MARCHF1: variants seen among roughly 807,000 people sequenced by gnomAD.
MARCHF1 encodes membrane associated ring-CH-type finger 1.
MARCHF1 carries 40 observed loss-of-function variants against 54.2 expected under a neutral mutation model. The observed-to-expected ratio is 0.74, with a 90% CI of 0.57 to 0.96. MARCHF1 has a LOEUF of 0.96. Among genes scored for constraint, MARCHF1 ranks in the 40% least tolerant of loss-of-function variants. The pLI is 0.00. For missense variants in MARCHF1, 586 were observed against 656.5 expected (o/e 0.89, Z 1.17); for synonymous variants, 236 against 236.3 (o/e 1.00, Z 0.01).
At chr4:163,872,344 A>G (rs1750187049) in intron 3 of MARCHF1, among the ~76,000 whole-genome samples, 1 of 152,248 alleles carries the variant, frequency 6.6e-6, no homozygotes, top group Non-Finnish European at 1.5e-5. Flanking sequence ...TTAAATCTAC[A>G]CAGTGAACCT....
At chr4:164,211,357 C>T (rs777368778) in intron 1 of MARCHF1, among the ~76,000 whole-genome samples, 13,529 of 100,060 alleles carry the variant, frequency 0.14, 748 homozygotes, top group Middle Eastern at 0.21. Flanking sequence ...ATATATATAC[C>T]ACATTGCAAC....
chr4:164,348,916 T>C (rs1307517423), intron 1 of MARCHF1, among the ~76,000 whole-genome samples: 1 of 152,170 alleles, frequency 6.6e-6, no homozygotes, highest in East Asian at 1.9e-4. Flanking sequence ...TTAGAGTGTC[T>C]CATACTCTAG....
chr4:164,271,166 A>C (rs970890027), intron 1 of MARCHF1, among the ~76,000 whole-genome samples: 1 of 152,172 alleles, frequency 6.6e-6, no homozygotes, highest in East Asian at 1.9e-4. Flanking sequence ...ATGGCCCTCA[A>C]AGATGCCCAT....
At chr4:163,968,605 G>A (rs1212532246) in intron 3 of MARCHF1, among the ~76,000 whole-genome samples, 1 of 152,066 alleles carries the variant, frequency 6.6e-6, no homozygotes, top group East Asian at 1.9e-4. Flanking sequence ...CCTACTCTAT[G>A]CTGAGCACTT....
rs114973186 is a variant in MARCHF1, at chr4:163,728,334, C to T, written c.112-27471G>A. Among the ~76,000 whole-genome samples, 1,148 of 152,128 alleles carry T rather than the reference C, an allele frequency of 7.5e-3. 8 individuals are homozygous for T. Among genetic ancestry groups the T allele is most frequent in the South Asian group, 0.021 (102 of 4,814 alleles). On this transcript the variant is annotated intron_variant, in intron 4 of 9. Transcript: ENST00000514618. ...TTCTGAGAATCAGTTTGTTGATATC[C>T]AAAAAATAACTTTCTGGGATGGCAA...
intron 4 of MARCHF1, among the ~76,000 whole-genome samples, chr4:163,800,758 CAGAACATCA>C (rs1321237400): frequency 1.3e-5 from 2 of 152,058 alleles, no homozygotes; most frequent in Non-Finnish European, 2.9e-5. Context: ...TCAGACTGTA[CAGAACATCA>C]AGAATCATTA....
In MARCHF1 at chr4:163,802,182, T is replaced by C. The variant is rs147775784; in HGVS notation, c.111+51839A>G. 1.7e-3 allele frequency among the ~76,000 whole-genome samples: 254 copies of C among 152,260 alleles called. 1 individual carries two copies. The highest frequency in any genetic ancestry group is 5.8e-3 in the African/African-American group (243 of 41,564). The stretch of plus-strand genomic sequence containing the variant: ...AAGTTAAGAATGTCACCATTCTTAG[T>C]GGTGACATTCTTAGTAGTAGAAACG... On this transcript the variant is annotated intron_variant, in intron 4 of 9. Transcript: ENST00000514618.
At chr4:164,096,669 A>G (rs1162032584) in intron 2 of MARCHF1, among the ~76,000 whole-genome samples, 1 of 152,148 alleles carries the variant, frequency 6.6e-6, no homozygotes, top group African/African-American at 2.4e-5. Context: ...AATCAAAGTT[A>G]GAGAAAACAC....
intron 4 of MARCHF1, among the ~76,000 whole-genome samples, chr4:163,819,303 T>C (rs1403835126): frequency 6.6e-6 from 1 of 152,106 alleles, no homozygotes; most frequent in Non-Finnish European, 1.5e-5. Flanking sequence ...GCTTTAACTT[T>C]AATAACATAC....
intron 4 of MARCHF1, among the ~76,000 whole-genome samples, chr4:163,728,865 G>T (rs1579234756): frequency 1.3e-5 from 2 of 152,262 alleles, no homozygotes; most frequent in Admixed American, 1.3e-4. Context: ...TGACATCCTT[G>T]CCTTGTTCCT....
intron 8 of MARCHF1, among the ~76,000 whole-genome samples, chr4:163,553,047 A>AAAG (rs1553991322): frequency 0.063 from 2,379 of 37,760 alleles, 78 homozygotes; most frequent in African/African-American, 0.12. Flanking sequence ...AAAAAAAAAA[A>AAAG]AAAAGAAGAA....
chr4:164,341,830 T>C (rs1157619755), intron 1 of MARCHF1, among the ~76,000 whole-genome samples: 2 of 152,204 alleles, frequency 1.3e-5, no homozygotes, highest in Non-Finnish European at 2.9e-5. Flanking sequence ...ATAGCACCTG[T>C]TTGCAAATGA....
At chr4:164,380,353 G>A (rs1161081361) in intron 1 of MARCHF1, among the ~76,000 whole-genome samples, 1 of 152,052 alleles carries the variant, frequency 6.6e-6, no homozygotes, top group Admixed American at 6.6e-5. Flanking sequence ...AATCATTTTT[G>A]TACACTAGTT....
At chr4:164,090,655 T>A (rs1755278947) in intron 2 of MARCHF1, among the ~76,000 whole-genome samples, 1 of 151,854 alleles carries the variant, frequency 6.6e-6, no homozygotes, top group Non-Finnish European at 1.5e-5. Flanking sequence ...AAAATCTGGG[T>A]AAAATTTAAG....
intron 1 of MARCHF1, among the ~76,000 whole-genome samples, chr4:164,198,620 G>A (rs956428873): frequency 3.9e-5 from 6 of 152,178 alleles, no homozygotes; most frequent in African/African-American, 1.4e-4. Context: ...TCAGGAAGAA[G>A]ATAAATTAAT....
At chr4:164,277,861 C>T (rs148427514) in intron 1 of MARCHF1, among the ~76,000 whole-genome samples, 1,584 of 152,078 alleles carry the variant, frequency 0.01, 34 homozygotes, top group African/African-American at 0.036. Flanking sequence ...GTTTGTGGAA[C>T]GAAAGAGGAA....
At chr4:164,243,652 C>A (rs1732846705) in intron 1 of MARCHF1, among the ~76,000 whole-genome samples, 1 of 146,252 alleles carries the variant, frequency 6.8e-6, no homozygotes, top group African/African-American at 2.5e-5. Context: ...AATTAAAAGA[C>A]ACAGACTGGC....
intron 4 of MARCHF1, among the ~76,000 whole-genome samples, chr4:163,819,725 C>T (rs1174571997): frequency 6.6e-6 from 1 of 152,056 alleles, no homozygotes; most frequent in African/African-American, 2.4e-5. Flanking sequence ...AATGCTCTCC[C>T]CAATATTCGT....
chr4:163,895,905 C>T (rs1425974624), intron 3 of MARCHF1, among the ~76,000 whole-genome samples: 1 of 152,214 alleles, frequency 6.6e-6, no homozygotes, highest in Middle Eastern at 3.4e-3. Context: ...ATGACCCCCC[C>T]ACTGCCCCAC....
Sources: gnomAD v4.1 joint callset for allele counts (sites outside exome capture counted in the v4.1 genomes callset) on GRCh38, gnomAD v4.1.1 for gene constraint, MANE v1.5 for transcripts, NCBI Gene and HGNC (gene_info 2026-07-23, HGNC 2026-07-21) for gene names.